The following CADPS2 variants were observed in gnomAD, a reference collection of about 807,000 sequenced individuals.
CADPS2 encodes the protein calcium dependent secretion activator 2.
CADPS2 carries 93 observed loss-of-function variants against 172.5 expected under a neutral mutation model. The ratio of observed to expected loss-of-function variants is 0.54; its 90% CI spans 0.46 to 0.64. The LOEUF (loss-of-function observed/expected upper bound fraction) is 0.64. Among genes scored for constraint, CADPS2 ranks in the 30% least tolerant of loss-of-function variants. The pLI is 0.00. For synonymous variants in CADPS2, 546 were observed against 555.2 expected (o/e 0.98, Z 0.23); for missense variants, 1,420 against 1,565.9 (o/e 0.91, Z 1.57).
In CADPS2 at chr7:122,880,216, A is replaced by G. The variant is rs148033023; in HGVS notation, c.339+5783T>C. On this transcript the variant is annotated intron_variant, in intron 1 of 29. Coordinates refer to ENST00000449022, the MANE Select transcript of CADPS2 (RefSeq NM_017954.11). ...ATTCTTCTTCCCAGTTCATTCTGGAATGGAAAGCAACACTCACACTTACCC... is the reference window on the plus strand; with the variant it reads ...ATTCTTCTTCCCAGTTCATTCTGGAGTGGAAAGCAACACTCACACTTACCC... Among the ~76,000 whole-genome samples the G allele has an allele frequency of 3.3e-5, 5 of 152,274 alleles. No homozygotes were observed. In the East Asian group the frequency reaches 9.7e-4, roughly 29 times the overall value.
At chr7:122,735,968 C>A (rs1266491027) in intron 2 of CADPS2, among the ~76,000 whole-genome samples, 3 of 152,144 alleles carry the variant, frequency 2.0e-5, no homozygotes, top group African/African-American at 7.2e-5. Context: ...GCTCCTATAA[C>A]TTGTTAAGAT....
chr7:122,667,630 C>T (rs574922180), intron 2 of CADPS2, among the ~76,000 whole-genome samples: 16 of 151,908 alleles, frequency 1.1e-4, no homozygotes, highest in East Asian at 3.9e-4. Flanking sequence ...TATAATAGGG[C>T]GACAGCAGCA....
At position 122,391,762 on chromosome 7, in the gene CADPS2, T is replaced by C. The variant is rs776969371; in HGVS notation, c.3008+1434A>G. Among the ~76,000 whole-genome samples, 3 of 152,176 alleles carry C rather than the reference T, an allele frequency of 2.0e-5. No individual in the cohort carries two copies. In the South Asian group the frequency reaches 6.2e-4, roughly 32 times the overall value. The stretch of plus-strand genomic sequence containing the variant: ...TCTTGGTCTTTTCCTATTTCTTTTC[T>C]TGATTGTGTGCATACCTGACTGGGT... On this transcript the variant is annotated intron_variant, in intron 22 of 29. Transcript: ENST00000449022.
At position 122,515,214 on chromosome 7, in the gene CADPS2, T is replaced by C. The variant is rs73717657; in HGVS notation, c.1476-1899A>G. On this transcript the variant is annotated intron_variant, in intron 8 of 29. Transcript: ENST00000449022. Reference sequence around the variant, plus strand: ...TACCGTTAATTCATTCCATTATCTGTGCTTGTGGATGGAATGTGAATTCAT... The same window carrying C: ...TACCGTTAATTCATTCCATTATCTGCGCTTGTGGATGGAATGTGAATTCAT... 7.2e-3 allele frequency among the ~76,000 whole-genome samples: 1,091 copies of C among 152,286 alleles called. 13 individuals are homozygous for C. Among genetic ancestry groups the C allele is most frequent in the African/African-American group, 0.025 (1,055 of 41,580 alleles).
chr7:122,539,709 A>G (rs1335130285), intron 8 of CADPS2, among the ~76,000 whole-genome samples: 1 of 151,640 alleles, frequency 6.6e-6, no homozygotes, highest in Non-Finnish European at 1.5e-5. Context: ...TGTAAATTTA[A>G]ATGTAAATCT....
intron 11 of CADPS2, 121 bp downstream of exon 11, chr7:122,489,960 A>G (rs2058141037): frequency 1.2e-6 from 1 of 818,960 alleles, no homozygotes; most frequent in African/African-American, 1.7e-5. Flanking sequence ...AATATGAACT[A>G]TTTTCATTTA....
intron 1 of CADPS2, among the ~76,000 whole-genome samples, chr7:122,858,002 G>C (rs1815784552): frequency 6.6e-6 from 1 of 152,126 alleles, no homozygotes; most frequent in Non-Finnish European, 1.5e-5. Flanking sequence ...TTATCGTGAA[G>C]AGCGAAAGAA....
At chr7:122,687,102 T>C (rs921126432) in intron 2 of CADPS2, among the ~76,000 whole-genome samples, 24 of 152,324 alleles carry the variant, frequency 1.6e-4, no homozygotes, top group African/African-American at 5.3e-4. Flanking sequence ...TCAAAACCCT[T>C]CAAACTAAAT....
At chr7:122,774,515 G>C (rs1166868560) in intron 1 of CADPS2, among the ~76,000 whole-genome samples, 1 of 151,942 alleles carries the variant, frequency 6.6e-6, no homozygotes, top group African/African-American at 2.4e-5. Flanking sequence ...CATTTATTTT[G>C]GGATCAGTTT....
rs1231988107 is a variant in CADPS2, at chr7:122,705,733, TATATA to T, written c.453+31217_453+31221del. 4.0e-3 allele frequency among the ~76,000 whole-genome samples: 31 copies of T among 7,766 alleles called. 6 individuals are homozygous for T. The highest frequency in any genetic ancestry group is 9.4e-3 in the African/African-American group (28 of 2,984). 5.1% of individuals were successfully genotyped at this position (7,766 alleles called of 152,430 possible). A position where few individuals can be genotyped will look rare whatever the true frequency, so the allele number is the denominator to read the frequency against. On this transcript the variant is annotated intron_variant, in intron 2 of 29. Transcript: ENST00000449022. ...ATATATTATATAATATATCATATAT[TATATA>T]ATATATAATATATATAATATATAAT... is the stretch of plus-strand genomic sequence containing the variant.
chr7:122,666,052 T>C (rs1170979005), intron 2 of CADPS2, among the ~76,000 whole-genome samples: 4 of 142,692 alleles, frequency 2.8e-5, no homozygotes, highest in Non-Finnish European at 4.7e-5. Context: ...TAATCACTCA[T>C]TGAGCAGTGA....
intron 16 of CADPS2, chr7:122,439,543 T>C (rs1279969044): frequency 6.6e-6 from 1 of 152,194 alleles, no homozygotes. Context: ...TCATCCCTGA[T>C]TTATTTAATC....
At chr7:122,471,595 T>C in intron 13 of CADPS2, 33 bp from the exon 14 acceptor site, 1 of 1,509,032 alleles carries the variant, frequency 6.6e-7, no homozygotes, top group Non-Finnish European at 8.9e-7. Context: ...ATATACATGT[T>C]TTTTCTTTCT....
chr7:122,840,731 C>T (rs753826191), intron 1 of CADPS2, among the ~76,000 whole-genome samples: 30 of 151,954 alleles, frequency 2.0e-4, no homozygotes, highest in Non-Finnish European at 4.0e-4. Flanking sequence ...GTCTGAGTAA[C>T]ACAAGGAGAT....
chr7:122,778,833 G>A (rs1378475487), intron 1 of CADPS2, among the ~76,000 whole-genome samples: 1 of 152,222 alleles, frequency 6.6e-6, no homozygotes, highest in East Asian at 1.9e-4. Flanking sequence ...TTTAAAATGT[G>A]ACGACATGAA....
chr7:122,522,355 T>A (rs542341307), intron 8 of CADPS2, among the ~76,000 whole-genome samples: 29 of 152,220 alleles, frequency 1.9e-4, no homozygotes, highest in South Asian at 8.3e-4. Context: ...GCTCAAGTGA[T>A]CTGCCCACCT....
intron 28 of CADPS2, among the ~76,000 whole-genome samples, chr7:122,329,658 A>G (rs1237112383): frequency 6.6e-6 from 1 of 152,232 alleles, no homozygotes; most frequent in East Asian, 1.9e-4. Flanking sequence ...TAACATTTTG[A>G]GGATGATTCA....
chr7:122,424,890 G>T (rs553743922), intron 17 of CADPS2, among the ~76,000 whole-genome samples: 1 of 152,300 alleles, frequency 6.6e-6, no homozygotes, highest in East Asian at 1.9e-4. Context: ...GCTCTGGATA[G>T]CTCTGGATAT....
chr7:122,481,995 C>T (rs1332207634), intron 11 of CADPS2, among the ~76,000 whole-genome samples: 2 of 152,138 alleles, frequency 1.3e-5, no homozygotes, highest in African/African-American at 2.4e-5. Flanking sequence ...GGCACCACTG[C>T]ACTTCCTCTC....
Sources: gnomAD v4.1 joint callset for allele counts (sites outside exome capture counted in the v4.1 genomes callset) on GRCh38, gnomAD v4.1.1 for gene constraint, MANE v1.5 for transcripts, NCBI Gene and HGNC (gene_info 2026-07-23, HGNC 2026-07-21) for gene names.